CNTN4: variants seen among roughly 807,000 people sequenced by gnomAD.
CNTN4 encodes the protein contactin 4.
Under a neutral mutation model 122.5 loss-of-function variants are expected in CNTN4, and 77 were observed. The ratio of observed to expected loss-of-function variants is 0.63; its 90% CI spans 0.52 to 0.76. The LOEUF (loss-of-function observed/expected upper bound fraction) is 0.76, where lower values mean the gene tolerates loss of function less well. Among genes scored for constraint, CNTN4 ranks in the 30% least tolerant of loss-of-function variants. CNTN4 has a pLI of 0.00. For missense variants in CNTN4, 1,256 were observed against 1,259.1 expected (o/e 1.00, Z 0.04); for synonymous variants, 512 against 447.0 (o/e 1.15, Z -1.83).
At chr3:2,383,939 A>G (rs17013549) in intron 3 of CNTN4, among the ~76,000 whole-genome samples, 3,962 of 152,206 alleles carry the variant, frequency 0.026, 163 homozygotes, top group African/African-American at 0.091. Context: ...TAAGTTGGAG[A>G]CCTTCTGTGT....
intron 3 of CNTN4, among the ~76,000 whole-genome samples, chr3:2,481,067 T>TTCTTTCTTTCTC (rs1559592822): frequency 2.1e-5 from 3 of 144,226 alleles, no homozygotes; most frequent in African/African-American, 5.3e-5. Flanking sequence ...CTTTCTCTCT[T>TTCTTTCTTTCTC]TCTCTCTTTC....
chr3:2,895,614 A>T (rs2094099919), intron 10 of CNTN4, among the ~76,000 whole-genome samples: 1 of 152,210 alleles, frequency 6.6e-6, no homozygotes, highest in South Asian at 2.1e-4. Context: ...GTTGTAACTT[A>T]TGTGGAGATG....
intron 14 of CNTN4, chr3:2,999,060 G>C (rs563502602): frequency 1.3e-5 from 2 of 152,166 alleles, no homozygotes; most frequent in African/African-American, 4.8e-5. Context: ...TTACATCCAG[G>C]CTGTATTCAA....
intron 4 of CNTN4, among the ~76,000 whole-genome samples, chr3:2,675,442 A>C (rs899804702): frequency 6.6e-6 from 1 of 152,106 alleles, no homozygotes; most frequent in East Asian, 1.9e-4. Context: ...AAATAGTTCC[A>C]CCCTCTCAGC....
intron 6 of CNTN4, among the ~76,000 whole-genome samples, chr3:2,793,390 G>A (rs1559509351): frequency 6.6e-6 from 1 of 151,930 alleles, no homozygotes; most frequent in Non-Finnish European, 1.5e-5. Flanking sequence ...ATGTAGTAAT[G>A]TTTCTCCATT....
intron 2 of CNTN4, among the ~76,000 whole-genome samples, chr3:2,318,940 C>T (rs1200782264): frequency 1.3e-5 from 2 of 152,298 alleles, no homozygotes; most frequent in African/African-American, 4.8e-5. Flanking sequence ...ATCCCCAAAA[C>T]GCCCAAGGTT....
chr3:2,395,408 A>G (rs1436953060), intron 3 of CNTN4, among the ~76,000 whole-genome samples: 1 of 152,232 alleles, frequency 6.6e-6, no homozygotes, highest in African/African-American at 2.4e-5. Context: ...AGTATTTTAT[A>G]TATTAATAGG....
intron 5 of CNTN4, among the ~76,000 whole-genome samples, chr3:2,744,832 G>C (rs1270636385): frequency 6.6e-6 from 1 of 152,160 alleles, no homozygotes; most frequent in Non-Finnish European, 1.5e-5. Flanking sequence ...ACATACATAG[G>C]TGATCCAGGT....
At chr3:2,467,455 A>C (rs2075543866) in intron 3 of CNTN4, among the ~76,000 whole-genome samples, 3 of 152,212 alleles carry the variant, frequency 2.0e-5, no homozygotes, top group African/African-American at 7.2e-5. Context: ...GCATCTTAAC[A>C]TAATAGCAAG....
intron 2 of CNTN4, among the ~76,000 whole-genome samples, chr3:2,132,773 T>G (rs1292532920): frequency 6.6e-6 from 1 of 152,162 alleles, no homozygotes; most frequent in Non-Finnish European, 1.5e-5. Flanking sequence ...TAAAGTCTCT[T>G]ATTTAAAACT....
At chr3:2,834,070 C>T (rs540286011) in intron 7 of CNTN4, among the ~76,000 whole-genome samples, 156 of 152,112 alleles carry the variant, frequency 1.0e-3, no homozygotes, top group African/African-American at 3.6e-3. Flanking sequence ...CACTTGATCA[C>T]GGGAGGCAGA....
intron 2 of CNTN4, among the ~76,000 whole-genome samples, chr3:2,163,790 A>G (rs966483197): frequency 3.9e-5 from 6 of 152,222 alleles, no homozygotes; most frequent in African/African-American, 1.2e-4. Context: ...TAAAACCATA[A>G]CGAGATATAA....
chr3:2,667,816 C>A (rs1413975070), intron 4 of CNTN4, among the ~76,000 whole-genome samples: 2 of 151,672 alleles, frequency 1.3e-5, no homozygotes, highest in East Asian at 3.9e-4. Flanking sequence ...ATATGGCTGG[C>A]CATTTTTCCT....
intron 8 of CNTN4, among the ~76,000 whole-genome samples, chr3:2,875,530 A>G (rs2093833739): frequency 6.6e-6 from 1 of 152,196 alleles, no homozygotes; most frequent in Non-Finnish European, 1.5e-5. Flanking sequence ...ATTGGCACAC[A>G]GCCACTCCCA....
chr3:2,374,050 A>G (rs2045730164), intron 3 of CNTN4, among the ~76,000 whole-genome samples: 1 of 152,216 alleles, frequency 6.6e-6, no homozygotes, highest in South Asian at 2.1e-4. Flanking sequence ...TCCGGGATAC[A>G]TGGCAGGAAT....
Position 2,364,117 on chromosome 3 carries a change from G to T in CNTN4, c.-89+24884G>T, listed in dbSNP as rs376446535. 2.6e-5 allele frequency among the ~76,000 whole-genome samples: 4 copies of T among 152,082 alleles called. No individual in the cohort carries two copies. The East Asian group carries it at 7.8e-4, about 29-fold the overall frequency. The stretch of plus-strand genomic sequence containing the variant: ...GTCTAGTTGGGGGCTTGGTTTGGGG[G>T]TGGGCAACGTGGTATATTTCAATTA... On this transcript the variant is annotated intron_variant, in intron 3 of 24. Transcript: ENST00000418658.
intron 3 of CNTN4, among the ~76,000 whole-genome samples, chr3:2,389,570 C>A (rs1036059036): frequency 1.3e-5 from 2 of 152,182 alleles, no homozygotes; most frequent in African/African-American, 2.4e-5. Context: ...TCCTTCATTC[C>A]TCTTTCCTTT....
chr3:2,702,187 T>A (rs2086394680), intron 4 of CNTN4, among the ~76,000 whole-genome samples: 1 of 152,170 alleles, frequency 6.6e-6, no homozygotes, highest in Non-Finnish European at 1.5e-5. Flanking sequence ...GCCACCCGTT[T>A]GTTAGGGGAG....
chr3:2,443,090 A>G (rs900955810), intron 3 of CNTN4, among the ~76,000 whole-genome samples: 2 of 151,966 alleles, frequency 1.3e-5, no homozygotes, highest in African/African-American at 4.8e-5. Context: ...AACGCCCATG[A>G]CGTGTGTTTA....
Sources: allele counts gnomAD v4.1 joint callset (sites outside exome capture counted in the v4.1 genomes callset), GRCh38; gene constraint gnomAD v4.1.1; transcripts MANE v1.5; gene names NCBI Gene and HGNC (gene_info 2026-07-23, HGNC 2026-07-21).